The following CAMTA1 variants were observed in gnomAD, a reference collection of about 807,000 sequenced individuals.
CAMTA1 encodes the protein calmodulin binding transcription activator 1.
In CAMTA1, 27 loss-of-function variants were observed where a neutral mutation model predicts 170.9. The ratio of observed to expected loss-of-function variants is 0.16; its 90% CI spans 0.12 to 0.22. CAMTA1 has a LOEUF of 0.22. Ranked by LOEUF, CAMTA1 falls within the 10% of genes least tolerant of loss-of-function variation. The pLI, the probability that CAMTA1 is intolerant of heterozygous loss-of-function variation, is 1.00. For synonymous variants in CAMTA1, 833 were observed against 891.5 expected (o/e 0.93, Z 1.17); for missense variants, 1,619 against 2,217.2 (o/e 0.73, Z 5.42).
chr1:7,465,344 CTTCCTGAG>C (rs963786733), intron 5 of CAMTA1, among the ~76,000 whole-genome samples: 3 of 152,190 alleles, frequency 2.0e-5, no homozygotes, highest in Non-Finnish European at 2.9e-5. Context: ...TCCCTGTGGG[CTTCCTGAG>C]TCCCTGGGGC....
At position 7,592,749 on chromosome 1, in the gene CAMTA1, TC is replaced by T. The variant is rs2095364932; in HGVS notation, c.511-47649del. Among the ~76,000 whole-genome samples the T allele has an allele frequency of 6.6e-6, 1 of 152,104 alleles. No individual in the cohort carries two copies. Among genetic ancestry groups the T allele is most frequent in the Non-Finnish European group, 1.5e-5 (1 of 68,016 alleles). On this transcript the variant is annotated intron_variant, in intron 6 of 22. Coordinates refer to ENST00000303635, the MANE Select transcript of CAMTA1 (RefSeq NM_015215.4). The surrounding 1 kb of genome is among the most constrained non-coding windows in gnomAD (Gnocchi z 4.6). ...ATGGAGTCAACCAGCATCTCCTGCA[TC>T]CTCTACCTTGGAAAATGAGGATTCT...
chr1:6,926,140 G>T (rs2149345692), intron 3 of CAMTA1, among the ~76,000 whole-genome samples: 1 of 152,362 alleles, frequency 6.6e-6, no homozygotes, highest in African/African-American at 2.4e-5. Context: ...AAAGCCACTT[G>T]CTCAGGACAG....
chr1:7,715,789 G>A (rs781769452), intron 11 of CAMTA1, among the ~76,000 whole-genome samples: 10 of 152,330 alleles, frequency 6.6e-5, no homozygotes, highest in East Asian at 1.9e-4. Flanking sequence ...GTGCCGTGCC[G>A]GCATGGGAGA....
At chr1:7,707,612 A>C (rs983896583) in intron 11 of CAMTA1, among the ~76,000 whole-genome samples, 1 of 152,132 alleles carries the variant, frequency 6.6e-6, no homozygotes, top group Non-Finnish European at 1.5e-5. Context: ...CCTGAGCTCA[A>C]GTGATCCACC....
chr1:7,339,395 A>G (rs1486643762), intron 5 of CAMTA1, among the ~76,000 whole-genome samples: 1 of 152,214 alleles, frequency 6.6e-6, no homozygotes. Flanking sequence ...ACATTTGGTC[A>G]GAATTATTGT....
At chr1:6,960,412 A>T (rs1382252869) in intron 3 of CAMTA1, among the ~76,000 whole-genome samples, 1 of 151,944 alleles carries the variant, frequency 6.6e-6, no homozygotes, top group Non-Finnish European at 1.5e-5. Flanking sequence ...AGTCATTGGG[A>T]AGGCAGTCTG....
At chr1:6,980,992 A>G (rs1421079366) in intron 3 of CAMTA1, among the ~76,000 whole-genome samples, 1 of 151,784 alleles carries the variant, frequency 6.6e-6, no homozygotes, top group Non-Finnish European at 1.5e-5. Context: ...CCTTGGAGTC[A>G]GTTCTGTTAC....
intron 6 of CAMTA1, among the ~76,000 whole-genome samples, chr1:7,619,061 C>T (rs1417348793): frequency 1.3e-5 from 2 of 152,162 alleles, no homozygotes; most frequent in South Asian, 2.1e-4. Flanking sequence ...TGGCTTCCCC[C>T]TAGTCAACAG....
intron 22 of CAMTA1, among the ~76,000 whole-genome samples, chr1:7,762,972 T>C (rs758038702): frequency 1.5e-4 from 23 of 152,222 alleles, no homozygotes; most frequent in African/African-American, 5.5e-4. Context: ...CAATAAAATA[T>C]GATTTTTAAA....
rs181784493 is a variant in CAMTA1 at position 7,635,481 on chromosome 1, C to T, written c.511-4919C>T. 1.4e-3 allele frequency among the ~76,000 whole-genome samples: 220 copies of T among 151,862 alleles called. 1 individual carries two copies. The highest frequency in any genetic ancestry group is 4.9e-3 in the African/African-American group (203 of 41,428). ...ACAATTAGCGGGGCACTGTGGCGGG[C>T]GCCTGTACTCCCAGCTACTCCAGAG... On this transcript the variant is annotated intron_variant, in intron 6 of 22. Transcript: ENST00000303635. This position sits in a 1 kb window ranked among gnomAD's most constrained non-coding sequence, Gnocchi z 4.4.
chr1:7,292,303 GA>G lies in CAMTA1; in HGVS notation c.438+42686del, dbSNP rs986612872. On this transcript the variant is annotated intron_variant, in intron 5 of 22. Coordinates refer to ENST00000303635, the MANE Select transcript of CAMTA1 (RefSeq NM_015215.4). ...CTTACGTCCTGGCAGTTTCAAAAGG[GA>G]AAAAAAAAGTTCTTTGAAAGAACTT... is the stretch of plus-strand genomic sequence containing the variant. Among the ~76,000 whole-genome samples the G allele has an allele frequency of 4.1e-3, 613 of 151,254 alleles. 3 individuals carry two copies. Among genetic ancestry groups the G allele is most frequent in the African/African-American group, 0.014 (564 of 41,260 alleles).
At chr1:7,625,420 G>A (rs1014804012) in intron 6 of CAMTA1, among the ~76,000 whole-genome samples, 2 of 152,262 alleles carry the variant, frequency 1.3e-5, no homozygotes, top group Admixed American at 6.5e-5. Context: ...TGCCCCCATC[G>A]GGCTGACAGG....
chr1:7,737,651 T>C, intron 15 of CAMTA1, 81 bp downstream of exon 15: 2 of 1,295,100 alleles, frequency 1.5e-6, no homozygotes, highest in Non-Finnish European at 2.1e-6. Context: ...GCAGAGTCCA[T>C]AGGATAGTCA....
At chr1:6,885,292 A>G (rs966227664) in intron 3 of CAMTA1, among the ~76,000 whole-genome samples, 5 of 152,222 alleles carry the variant, frequency 3.3e-5, no homozygotes, top group Non-Finnish European at 7.3e-5. Flanking sequence ...TTTTAAAGGC[A>G]TTGTTAGTAT....
In CAMTA1 at chr1:7,737,459, C is replaced by T. The variant is rs766876066; in HGVS notation, c.3547C>T (p.Pro1183Ser). 2 of 1,614,116 alleles carry T rather than the reference C, an allele frequency of 1.2e-6. No homozygotes were observed. The highest frequency in any genetic ancestry group is 1.6e-4 in the Middle Eastern group (1 of 6,062). ...QLGQNPRIHCPASEEPSTESW... is the reference protein window; with the variant it reads ...QLGQNPRIHCSASEEPSTESW... ...GGGACAGAACCCCAGAATCCACTGT[C>T]CTGCAAGCGAAGAGCCCAGCACAGA... Residue 1183 changes from proline to serine, a missense_variant, in exon 15 of 23, where the codon CCT (proline) becomes TCT (serine). Transcript: ENST00000303635.
In CAMTA1 at chr1:7,193,857, G is replaced by A. The variant is rs145006869; in HGVS notation, c.303-55634G>A. On this transcript the variant is annotated intron_variant, in intron 4 of 22. Coordinates refer to ENST00000303635, the MANE Select transcript of CAMTA1 (RefSeq NM_015215.4). ...GGTGGATTTTACAGAAGAGGCTGACGGCCCGAAGGGGAGGCTAGCCATCAG... is the reference window on the plus strand; with the variant it reads ...GGTGGATTTTACAGAAGAGGCTGACAGCCCGAAGGGGAGGCTAGCCATCAG... Among the ~76,000 whole-genome samples the A allele has an allele frequency of 2.6e-5, 4 of 152,286 alleles. No individual in the cohort carries two copies. The East Asian group carries it at 7.7e-4, about 29-fold the overall frequency.
At chr1:6,894,878 A>G (rs935865775) in intron 3 of CAMTA1, among the ~76,000 whole-genome samples, 3 of 152,238 alleles carry the variant, frequency 2.0e-5, no homozygotes, top group African/African-American at 7.2e-5. Context: ...TAGAAAAAGT[A>G]TCTGTTTTAA....
intron 6 of CAMTA1, among the ~76,000 whole-genome samples, chr1:7,629,700 G>T (rs945114647): frequency 6.6e-6 from 1 of 152,104 alleles, no homozygotes; most frequent in Non-Finnish European, 1.5e-5. Flanking sequence ...CTCAGTTGGT[G>T]CTCCCTCACC....
At chr1:6,885,160 A>T (rs558619217) in intron 3 of CAMTA1, among the ~76,000 whole-genome samples, 3 of 152,224 alleles carry the variant, frequency 2.0e-5, no homozygotes, top group South Asian at 4.1e-4. Flanking sequence ...CACCCCTCAC[A>T]CAGAAATCTT....
Sources: gnomAD v4.1 joint callset for allele counts (sites outside exome capture counted in the v4.1 genomes callset) on GRCh38, gnomAD v4.1.1 for gene constraint, Gnocchi (gnomAD v3.1) non-coding constraint, MANE v1.5 for transcripts, NCBI Gene and HGNC (gene_info 2026-07-23, HGNC 2026-07-21) for gene names.